Variants in KDM7A observed in about 807,000 individuals in gnomAD.
The protein encoded by KDM7A is lysine-specific demethylase 7A.
In KDM7A, 28 loss-of-function variants were observed where a neutral mutation model predicts 114.8. The ratio of observed to expected loss-of-function variants is 0.24; its 90% CI spans 0.18 to 0.33. KDM7A has a LOEUF of 0.33. Ranked by LOEUF, KDM7A falls within the 10% of genes least tolerant of loss-of-function variation. The pLI, the probability that KDM7A is intolerant of heterozygous loss-of-function variation, is 1.00. For synonymous variants in KDM7A, 423 were observed against 397.8 expected, an observed-to-expected ratio of 1.06 and a Z score of -0.75; for missense variants, 942 against 1,142.5, an observed-to-expected ratio of 0.82 and a Z score of 2.53.
intron 1 of KDM7A, among the ~76,000 whole-genome samples, chr7:140,158,488 G>C (rs1794483339): frequency 6.6e-6 from 1 of 152,112 alleles, no homozygotes; most frequent in Non-Finnish European, 1.5e-5. Context: ...AAATGAAGAG[G>C]ACTACAGGAG....
intron 1 of KDM7A, 35 bp from the exon 2 acceptor site, chr7:140,139,225 A>T (rs752506976): frequency 4.0e-5 from 58 of 1,467,038 alleles, no homozygotes; most frequent in Non-Finnish European, 5.4e-5. Flanking sequence ...GTATGTAAGT[A>T]AGTTGAAAAT....
intron 3 of KDM7A, among the ~76,000 whole-genome samples, chr7:140,132,817 G>A (rs62491415): frequency 0.062 from 9,414 of 152,206 alleles, 368 homozygotes; most frequent in Non-Finnish European, 0.09. Flanking sequence ...GGGTTTTATC[G>A]TTTCAGGATC....
chr7:140,129,943 C>G (rs549879811), intron 3 of KDM7A, among the ~76,000 whole-genome samples: 35 of 152,248 alleles, frequency 2.3e-4, no homozygotes, highest in African/African-American at 8.2e-4. Flanking sequence ...AAAATATGTA[C>G]AAGTTGAGTA....
At chr7:140,123,799 C>A (rs999881452) in intron 7 of KDM7A, among the ~76,000 whole-genome samples, 1 of 152,046 alleles carries the variant, frequency 6.6e-6, no homozygotes, top group African/African-American at 2.4e-5. Flanking sequence ...AATAGTATGC[C>A]GGCCGGGCGT....
At chr7:140,101,848 A>G (rs1818231669) in intron 12 of KDM7A, 103 bp downstream of exon 12, 6 of 769,738 alleles carry the variant, frequency 7.8e-6, no homozygotes, top group Non-Finnish European at 1.3e-5. Context: ...GCTGCAGCCA[A>G]GATTAGATAT....
rs1818157770 is a variant in KDM7A at position 140,098,912 on chromosome 7, C to T, written c.1885G>A (p.Val629Met). 2 of 1,612,862 alleles carry T rather than the reference C, an allele frequency of 1.2e-6. No homozygotes were observed. Among genetic ancestry groups the T allele is most frequent in the Non-Finnish European group, 1.7e-6 (2 of 1,179,596 alleles). Residue 629 changes from valine (V) to methionine (M), a missense_variant, in exon 14 of 20, where the codon GTG becomes ATG. This residue lies in a region of KDM7A where 512 missense variants were observed against 576.6 expected (regional missense o/e 0.89). Transcript: ENST00000397560. Reference protein sequence around the residue: ...KIEESSGVEGVEHEESQKPLN... With the variant: ...KIEESSGVEGMEHEESQKPLN... Reference sequence around the variant, plus strand: ...GGTTTTTGAGATTCTTCATGTTCCACTCCCTCTACTCCTGAACTCTCTTCT... The same window carrying T: ...GGTTTTTGAGATTCTTCATGTTCCATTCCCTCTACTCCTGAACTCTCTTCT...
chr7:140,099,403 C>T (rs1585138539), intron 13 of KDM7A, among the ~76,000 whole-genome samples: 1 of 152,178 alleles, frequency 6.6e-6, no homozygotes, highest in Admixed American at 6.5e-5. Flanking sequence ...TGCTAAGTTG[C>T]CCAAGCTAGT....
intron 4 of KDM7A, 102 bp downstream of exon 4, chr7:140,129,391 A>G: frequency 9.8e-7 from 1 of 1,018,688 alleles, no homozygotes; most frequent in East Asian, 2.5e-5. Flanking sequence ...TCTGAGCAGA[A>G]AACTAAATTG....
intron 12 of KDM7A, 93 bp from the exon 13 acceptor site, chr7:140,100,116 T>A (rs1363745232): frequency 7.4e-6 from 10 of 1,345,968 alleles, no homozygotes; most frequent in Non-Finnish European, 1.0e-5. Context: ...TCCCCCATGG[T>A]CCTGCATCTC....
intron 1 of KDM7A, among the ~76,000 whole-genome samples, chr7:140,170,546 G>C (rs1195129196): frequency 6.6e-6 from 1 of 152,164 alleles, no homozygotes; most frequent in Non-Finnish European, 1.5e-5. Context: ...TTTCCATCTT[G>C]GGAAAGTTAC....
At position 140,111,154 on chromosome 7, in the gene KDM7A, C is replaced by A. The variant is rs764737757; in HGVS notation, c.1369G>T (p.Asp457Tyr). The change falls in exon 11 of 20, where the codon GAC becomes TAC. Residue 457 changes from aspartate to tyrosine, a missense_variant. By Grantham distance (160) the Asp-to-Tyr change is radical (BLOSUM62 -3). Coordinates refer to ENST00000397560, the MANE Select transcript of KDM7A (RefSeq NM_030647.2). ...ATAAGGTGTCCAGGTCTAACATTGTCTGGAATTTCAAAGGCATGTTCAGAT... is the reference window on the plus strand; with the variant it reads ...ATAAGGTGTCCAGGTCTAACATTGTATGGAATTTCAAAGGCATGTTCAGAT... ...LVSEHAFEIP[D>Y]NVRPGHLIKE... The A allele has an allele frequency of 6.2e-7, 1 of 1,608,110 alleles. No individual in the cohort carries two copies. Among genetic ancestry groups the A allele is most frequent in the Non-Finnish European group, 8.5e-7 (1 of 1,176,102 alleles).
intron 1 of KDM7A, among the ~76,000 whole-genome samples, chr7:140,148,304 TC>T (rs1794362014): frequency 6.6e-6 from 1 of 152,034 alleles, no homozygotes; most frequent in Non-Finnish European, 1.5e-5. Context: ...CTCTCTCGAG[TC>T]AGTCTGCCTG....
intron 2 of KDM7A, among the ~76,000 whole-genome samples, chr7:140,138,019 A>C (rs2116819003): frequency 6.6e-6 from 1 of 152,328 alleles, no homozygotes; most frequent in South Asian, 2.1e-4. Context: ...CTGCAGCCTA[A>C]AATGTCAAAA....
chr7:140,174,173 AAAAAAG>A (rs1554402532), intron 1 of KDM7A, among the ~76,000 whole-genome samples: 2 of 152,044 alleles, frequency 1.3e-5, no homozygotes, highest in South Asian at 2.1e-4. Flanking sequence ...CCAAAAAAAA[AAAAAAG>A]AAAAAGAAAA....
At chr7:140,092,405 C>T (rs1299129200) in intron 18 of KDM7A, among the ~76,000 whole-genome samples, 1 of 152,226 alleles carries the variant, frequency 6.6e-6, no homozygotes, top group Non-Finnish European at 1.5e-5. Context: ...ATGGATCGAT[C>T]TCCCACTTCC....
intron 3 of KDM7A, among the ~76,000 whole-genome samples, chr7:140,133,218 C>T (rs75518896): frequency 9.4e-4 from 143 of 152,248 alleles, no homozygotes; most frequent in Non-Finnish European, 1.5e-3. Flanking sequence ...TCATAAGGAA[C>T]CAAGTACTGG....
rs779844837 is a variant in KDM7A at position 140,098,868 on chromosome 7, A to T, written c.1918+11T>A. 1.3e-6 allele frequency: 2 copies of T among 1,598,014 alleles called. No homozygotes were observed. The highest frequency in any genetic ancestry group is 1.7e-5 in the Admixed American group (1 of 57,768). On this transcript the variant is annotated intron_variant, in intron 14 of 19. Transcript: ENST00000397560. ...CAAAAGATCTTTAAAATAACCATTA[A>T]AAAAACATACCATTCAGTGGTTTTT... is the stretch of plus-strand genomic sequence containing the variant.
intron 1 of KDM7A, among the ~76,000 whole-genome samples, chr7:140,152,476 T>C (rs1794411399): frequency 6.6e-6 from 1 of 151,936 alleles, no homozygotes; most frequent in Non-Finnish European, 1.5e-5. Flanking sequence ...ATACAAAAGT[T>C]AGCTGGCCGT....
intron 1 of KDM7A, among the ~76,000 whole-genome samples, chr7:140,148,232 AAAG>A (rs1282839316): frequency 5.5e-4 from 83 of 152,094 alleles, no homozygotes; most frequent in Admixed American, 2.9e-3. Flanking sequence ...AAAAAAAAAA[AAAG>A]AGAGAATTTG....
Sources: gnomAD v4.1 joint callset for allele counts (sites outside exome capture counted in the v4.1 genomes callset) on GRCh38, gnomAD v4.1.1 for gene constraint, gnomAD v4.1.1 regional missense constraint, MANE v1.5 for transcripts, NCBI Gene and HGNC (gene_info 2026-07-23, HGNC 2026-07-21) for gene names.